The following ACYP2 variants were observed in gnomAD, a reference collection of about 807,000 sequenced individuals.
The protein encoded by ACYP2 is acylphosphatase-2.
Under a neutral mutation model 11.2 loss-of-function variants are expected in ACYP2, and 12 were observed. That is an observed-to-expected ratio of 1.08 (90% CI 0.69 to 1.74). ACYP2 has a LOEUF of 1.74. ACYP2 is among the 40% of genes most tolerant of loss of function. ACYP2 has a pLI of 0.00. For synonymous variants in ACYP2, 43 were observed against 32.2 expected (o/e 1.33, Z -1.13); for missense variants, 134 against 101.9 (o/e 1.31, Z -1.35).
At chr2:54,185,613 A>G (rs1683948803) in intron 6 of ACYP2, among the ~76,000 whole-genome samples, 4 of 152,218 alleles carry the variant, frequency 2.6e-5, no homozygotes, top group African/African-American at 9.6e-5. Flanking sequence ...CTAATTTAAT[A>G]CAGATATTGG....
chr2:54,298,890 T>G (rs1689618959), intron 6 of ACYP2, among the ~76,000 whole-genome samples: 2 of 152,192 alleles, frequency 1.3e-5, no homozygotes, highest in African/African-American at 4.8e-5. Context: ...TAGCTGGACT[T>G]AACGGTGCAC....
intron 6 of ACYP2, among the ~76,000 whole-genome samples, chr2:54,262,426 A>T (rs1477755946): frequency 6.6e-6 from 1 of 152,236 alleles, no homozygotes; most frequent in East Asian, 1.9e-4. Context: ...CTAATATCTA[A>T]GTGTTAGACA....
chr2:54,000,014 A>G (rs1672730938), intron 2 of ACYP2, among the ~76,000 whole-genome samples: 2 of 152,122 alleles, frequency 1.3e-5, no homozygotes, highest in South Asian at 4.1e-4. Flanking sequence ...AACCTTAAAT[A>G]GGGTTGGGAT....
chr2:54,259,891 G>A (rs926351296), intron 6 of ACYP2, among the ~76,000 whole-genome samples: 2 of 152,194 alleles, frequency 1.3e-5, no homozygotes, highest in East Asian at 3.8e-4. Flanking sequence ...GAGAAGTTTT[G>A]TTTCAAAGAA....
chr2:53,974,634 T>A (rs2104504712), intron 2 of ACYP2, among the ~76,000 whole-genome samples: 1 of 152,336 alleles, frequency 6.6e-6, no homozygotes, highest in East Asian at 1.9e-4. Flanking sequence ...TCCCTAATAC[T>A]GTTTAGTGGC....
chr2:54,106,828 C>G (rs373516341), intron 4 of ACYP2, among the ~76,000 whole-genome samples: 4 of 152,090 alleles, frequency 2.6e-5, no homozygotes, highest in Admixed American at 1.3e-4. Flanking sequence ...CGTGATCCGC[C>G]CCCCCTCGGC....
chr2:53,986,371 CT>C (rs1158706460), intron 2 of ACYP2, among the ~76,000 whole-genome samples: 1 of 150,438 alleles, frequency 6.6e-6, no homozygotes, highest in African/African-American at 2.4e-5. Flanking sequence ...GAGTCTCACT[CT>C]GTTGCCAAGG....
At chr2:54,270,828 A>AGTGT (rs898536833) in intron 6 of ACYP2, among the ~76,000 whole-genome samples, 1 of 152,174 alleles carries the variant, frequency 6.6e-6, no homozygotes, top group Admixed American at 6.5e-5. Flanking sequence ...TTTCTTTGTT[A>AGTGT]GTGTGGAATT....
At chr2:54,299,033 G>A (rs1252988089) in intron 6 of ACYP2, among the ~76,000 whole-genome samples, 2 of 152,144 alleles carry the variant, frequency 1.3e-5, no homozygotes, top group Admixed American at 1.3e-4. Flanking sequence ...GATTACAGGT[G>A]TGAGCCACTG....
intron 2 of ACYP2, among the ~76,000 whole-genome samples, chr2:53,989,981 CTTTT>C (rs112395166): frequency 5.6e-5 from 8 of 143,222 alleles, no homozygotes; most frequent in African/African-American, 1.0e-4. Context: ...CTTTTCTTTT[CTTTT>C]TTTTTTTTTT....
intron 2 of ACYP2, among the ~76,000 whole-genome samples, chr2:54,030,316 G>A (rs544015316): frequency 1.1e-4 from 16 of 152,196 alleles, no homozygotes; most frequent in African/African-American, 3.4e-4. Flanking sequence ...AGATTTCGTC[G>A]ACTCCTGGCA....
chr2:54,160,648 G>C (rs1446827738), intron 6 of ACYP2, among the ~76,000 whole-genome samples: 2 of 152,198 alleles, frequency 1.3e-5, no homozygotes, highest in South Asian at 2.1e-4. Context: ...CGAAGGCATT[G>C]AGCTGAAAGA....
intron 2 of ACYP2, among the ~76,000 whole-genome samples, chr2:53,985,003 C>CA (rs1671960386): frequency 6.6e-6 from 1 of 151,658 alleles, no homozygotes; most frequent in African/African-American, 2.4e-5. Context: ...ATAGATTGGT[C>CA]CAGGTTACAC....
At chr2:54,034,431 C>T (rs1015836076) in intron 2 of ACYP2, among the ~76,000 whole-genome samples, 1 of 152,120 alleles carries the variant, frequency 6.6e-6, no homozygotes, top group Admixed American at 6.6e-5. Flanking sequence ...TCTAGATACA[C>T]GAATACTTAC....
At chr2:54,072,518 T>G (rs1258657644) in intron 4 of ACYP2, among the ~76,000 whole-genome samples, 1 of 150,966 alleles carries the variant, frequency 6.6e-6, no homozygotes, top group Admixed American at 6.6e-5. Flanking sequence ...TCTCTTTCTT[T>G]CTTCTTTCTT....
intron 2 of ACYP2, among the ~76,000 whole-genome samples, chr2:54,014,112 C>T (rs1246855660): frequency 2.6e-5 from 4 of 151,718 alleles, no homozygotes; most frequent in African/African-American, 4.8e-5. Context: ...GAGCTGAGAT[C>T]GCACTGTTGC....
intron 6 of ACYP2, among the ~76,000 whole-genome samples, chr2:54,260,271 A>C (rs189944048): frequency 2.2e-3 from 338 of 152,244 alleles, no homozygotes; most frequent in African/African-American, 7.9e-3. Context: ...TGATCAAATG[A>C]GTGTGAGGAT....
intron 4 of ACYP2, among the ~76,000 whole-genome samples, chr2:54,059,661 C>T (rs1405853480): frequency 6.6e-6 from 1 of 152,114 alleles, no homozygotes; most frequent in African/African-American, 2.4e-5. Context: ...GATTGTCATC[C>T]CAGGACATTC....
At chr2:54,218,356 C>T (rs1685646053) in intron 6 of ACYP2, among the ~76,000 whole-genome samples, 1 of 152,042 alleles carries the variant, frequency 6.6e-6, no homozygotes, top group African/African-American at 2.4e-5. Context: ...TATTGTATAC[C>T]TGTGCTTAGT....
Sources: allele counts gnomAD v4.1 joint callset (sites outside exome capture counted in the v4.1 genomes callset), GRCh38; gene constraint gnomAD v4.1.1; transcripts MANE v1.5; gene names NCBI Gene and HGNC (gene_info 2026-07-23, HGNC 2026-07-21).